The following ADGRL3 variants were observed in gnomAD, a reference collection of about 807,000 sequenced individuals.
ADGRL3 encodes calcium-independent alpha-latrotoxin receptor 3.
ADGRL3 carries 62 observed loss-of-function variants against 153.5 expected under a neutral mutation model. The observed-to-expected ratio is 0.40, with a 90% confidence interval of 0.33 to 0.50. ADGRL3 has a LOEUF of 0.50. Among genes scored for constraint, ADGRL3 ranks in the 20% least tolerant of loss-of-function variants. The pLI is 0.47. For missense variants in ADGRL3, 1,641 were observed against 1,859.4 expected (o/e 0.88, Z 2.16); for synonymous variants, 710 against 672.5 (o/e 1.06, Z -0.86).
At position 62,051,168 on chromosome 4, in the gene ADGRL3, G is replaced by GTATA. The variant is rs35250485; in HGVS notation, c.3814+6638_3814+6641dup. ...ATACACAAAGAACGTGTGTGTGTGT[G>GTATA]TATATATATATATATATATATACAT... On this transcript the variant is annotated intron_variant, in intron 25 of 26. Coordinates refer to ENST00000683033, the MANE Select transcript of ADGRL3 (RefSeq NM_001387552.1). 7.1e-3 allele frequency among the ~76,000 whole-genome samples: 992 copies of GTATA among 139,100 alleles called. 10 individuals carry two copies. Among genetic ancestry groups the GTATA allele is most frequent in the Middle Eastern group, 0.026 (7 of 272 alleles). 91.3% of individuals were successfully genotyped at this position (139,100 alleles called of 152,430 possible). A position where few individuals can be genotyped will look rare whatever the true frequency, so the allele number is the denominator to read the frequency against.
At chr4:61,242,401 G>A (rs1755337919) in intron 1 of ADGRL3, among the ~76,000 whole-genome samples, 1 of 152,036 alleles carries the variant, frequency 6.6e-6, no homozygotes, top group South Asian at 2.1e-4. Flanking sequence ...ACACATCGGA[G>A]TGTGAATTGC....
Position 62,070,894 on chromosome 4 carries a change from G to T in ADGRL3, c.4618G>T (p.Val1540Phe), listed in dbSNP as rs904072844. 1 of 1,548,672 alleles carries T rather than the reference G, an allele frequency of 6.5e-7. No individual in the cohort carries two copies. The highest frequency in any genetic ancestry group is 1.2e-5 in the South Asian group (1 of 83,698). Reference sequence around the variant, plus strand: ...AAGTTCAAAAGGACCGGCTCATTTGGTCACTAGTCTATAGAAGATGACACA... The same window carrying T: ...AAGTTCAAAAGGACCGGCTCATTTGTTCACTAGTCTATAGAAGATGACACA... ...EGSSKGPAHL[V>F]TSL Residue 1540 changes from valine (V) to phenylalanine (F), a missense_variant, in exon 27 of 27, where the codon GTC becomes TTC. This residue lies in a region of ADGRL3 where 517 missense variants were observed against 555.0 expected (regional missense o/e 0.93). Transcript: ENST00000683033.
At chr4:61,880,315 T>C (rs1294047906) in intron 9 of ADGRL3, among the ~76,000 whole-genome samples, 2 of 152,342 alleles carry the variant, frequency 1.3e-5, no homozygotes, top group South Asian at 4.1e-4. Flanking sequence ...TCTATACAAA[T>C]ACTTAAGGTT....
intron 5 of ADGRL3, among the ~76,000 whole-genome samples, chr4:61,629,717 G>C (rs1184868749): frequency 2.6e-5 from 2 of 75,660 alleles, no homozygotes; most frequent in Middle Eastern, 0.031. Flanking sequence ...ACTCCGTCTC[G>C]GGGCAAAAAA....
chr4:61,963,477 G>A (rs955860890), intron 17 of ADGRL3, among the ~76,000 whole-genome samples: 3 of 151,928 alleles, frequency 2.0e-5, no homozygotes, highest in Admixed American at 1.3e-4. Context: ...ATGTGTAGTC[G>A]ATATTTATCT....
At chr4:61,602,348 T>G (rs2099015631) in intron 5 of ADGRL3, among the ~76,000 whole-genome samples, 1 of 152,252 alleles carries the variant, frequency 6.6e-6, no homozygotes, top group South Asian at 2.1e-4. Flanking sequence ...GAAGCATAGA[T>G]TGCCTTAAAC....
At chr4:61,586,624 T>C (rs114994077) in intron 4 of ADGRL3, among the ~76,000 whole-genome samples, 2,528 of 152,064 alleles carry the variant, frequency 0.017, 76 homozygotes, top group African/African-American at 0.057. Flanking sequence ...GGGTAACTAA[T>C]TACCTGTTGA....
intron 2 of ADGRL3, among the ~76,000 whole-genome samples, chr4:61,491,929 G>A (rs2152784313): frequency 6.6e-6 from 1 of 152,060 alleles, no homozygotes; most frequent in South Asian, 2.1e-4. Context: ...AACCCTGGAA[G>A]AACACAGATA....
At chr4:61,784,564 G>T (rs1039651005) in intron 8 of ADGRL3, among the ~76,000 whole-genome samples, 9 of 152,120 alleles carry the variant, frequency 5.9e-5, no homozygotes, top group Non-Finnish European at 1.2e-4. Context: ...TGGGGTATGG[G>T]GTGTGAAAGA....
At chr4:61,817,158 C>G (rs1233612436) in intron 9 of ADGRL3, among the ~76,000 whole-genome samples, 1 of 149,844 alleles carries the variant, frequency 6.7e-6, no homozygotes, top group Non-Finnish European at 1.5e-5. Context: ...GACCCCCCCC[C>G]CCCCACCAAG....
intron 1 of ADGRL3, among the ~76,000 whole-genome samples, chr4:61,310,737 T>G (rs2094967608): frequency 1.3e-5 from 2 of 151,840 alleles, no homozygotes; most frequent in South Asian, 4.1e-4. Context: ...GATCAGTTTT[T>G]TTTTTTTTTT....
intron 4 of ADGRL3, among the ~76,000 whole-genome samples, chr4:61,542,444 G>A (rs928208800): frequency 6.6e-6 from 1 of 152,136 alleles, no homozygotes; most frequent in African/African-American, 2.4e-5. Context: ...AGATAATTAA[G>A]ACAGTACAGA....
At chr4:61,207,028 G>A (rs1033355746) in intron 1 of ADGRL3, among the ~76,000 whole-genome samples, 1 of 151,180 alleles carries the variant, frequency 6.6e-6, no homozygotes, top group African/African-American at 2.4e-5. Flanking sequence ...ATAAAAACAT[G>A]AAGTCACTTT....
intron 1 of ADGRL3, among the ~76,000 whole-genome samples, chr4:61,315,436 C>A (rs1414947685): frequency 6.6e-6 from 1 of 152,122 alleles, no homozygotes; most frequent in Non-Finnish European, 1.5e-5. Flanking sequence ...GCCATAAATA[C>A]CATTCATGGT....
At chr4:61,858,531 G>T (rs1268258884) in intron 9 of ADGRL3, among the ~76,000 whole-genome samples, 1 of 152,196 alleles carries the variant, frequency 6.6e-6, no homozygotes, top group African/African-American at 2.4e-5. Flanking sequence ...TAAAGCAGGA[G>T]AATCGCTTGA....
chr4:61,510,229 A>G (rs577933856), intron 3 of ADGRL3, among the ~76,000 whole-genome samples: 2 of 152,084 alleles, frequency 1.3e-5, no homozygotes, highest in Non-Finnish European at 2.9e-5. Flanking sequence ...CTCTGTTGAT[A>G]GTTTCTTTTG....
At chr4:62,061,226 G>T (rs1266098091) in intron 25 of ADGRL3, among the ~76,000 whole-genome samples, 2 of 151,218 alleles carry the variant, frequency 1.3e-5, no homozygotes, top group Non-Finnish European at 3.0e-5. Flanking sequence ...ATTTAATATG[G>T]ATTGCTAAAG....
chr4:61,420,781 C>A (rs1301131014), intron 2 of ADGRL3: 1 of 95,940 alleles, frequency 1.0e-5, no homozygotes, highest in Middle Eastern at 7.7e-3. Context: ...TAAGGTCATA[C>A]CCAAGGTCAA....
At chr4:61,292,455 C>T (rs1421280862) in intron 1 of ADGRL3, among the ~76,000 whole-genome samples, 3 of 152,134 alleles carry the variant, frequency 2.0e-5, no homozygotes, top group Non-Finnish European at 4.4e-5. Context: ...GATTATTGTT[C>T]AGCTAGGTAG....
Sources: allele counts gnomAD v4.1 joint callset (sites outside exome capture counted in the v4.1 genomes callset), GRCh38; gene constraint gnomAD v4.1.1; regional missense constraint gnomAD v4.1.1; transcripts MANE v1.5; gene names NCBI Gene and HGNC (gene_info 2026-07-23, HGNC 2026-07-21).